SLC44A5: variants seen among roughly 807,000 people sequenced by gnomAD.
SLC44A5 encodes solute carrier family 44 member 5.
In SLC44A5, 57 loss-of-function variants were observed where a neutral mutation model predicts 101.8. The observed-to-expected ratio is 0.56, with a 90% confidence interval of 0.45 to 0.70. The LOEUF (loss-of-function observed/expected upper bound fraction) is 0.70, where lower values mean the gene tolerates loss of function less well. Among genes scored for constraint, SLC44A5 ranks in the 30% least tolerant of loss-of-function variants. The pLI, the probability that SLC44A5 is intolerant of heterozygous loss-of-function variation, is 0.00. For missense variants in SLC44A5, 737 were observed against 853.1 expected, an observed-to-expected ratio of 0.86 and a Z score of 1.70; for synonymous variants, 281 against 290.9, an observed-to-expected ratio of 0.97 and a Z score of 0.35.
At chr1:75,373,908 G>A (rs1308474969) in intron 3 of SLC44A5, among the ~76,000 whole-genome samples, 1 of 152,138 alleles carries the variant, frequency 6.6e-6, no homozygotes, top group Non-Finnish European at 1.5e-5. Context: ...TGAGATCTGT[G>A]GCCTGAGCTC....
At chr1:75,600,117 G>A (rs1674886224) in intron 1 of SLC44A5, among the ~76,000 whole-genome samples, 1 of 152,114 alleles carries the variant, frequency 6.6e-6, no homozygotes, top group Non-Finnish European at 1.5e-5. Flanking sequence ...TCAGATCTGT[G>A]GCAGCAGAGA....
intron 3 of SLC44A5, among the ~76,000 whole-genome samples, chr1:75,358,081 T>C (rs1170167560): frequency 6.6e-6 from 1 of 152,062 alleles, no homozygotes; most frequent in East Asian, 1.9e-4. Context: ...AGATTTTTAC[T>C]ACATTAGCTA....
the SLC44A5 span, among the ~76,000 whole-genome samples, chr1:75,673,400 G>T: frequency 6.6e-6 from 1 of 151,984 alleles, no homozygotes; most frequent in Non-Finnish European, 1.5e-5. Flanking sequence ...CACTGTAGTA[G>T]AATAGACCAC....
the SLC44A5 span, among the ~76,000 whole-genome samples, chr1:75,701,313 C>A: frequency 6.6e-6 from 1 of 152,300 alleles, no homozygotes; most frequent in Non-Finnish European, 1.5e-5. Flanking sequence ...CCACCATGAT[C>A]GAATGGGCTT....
intron 6 of SLC44A5, among the ~76,000 whole-genome samples, chr1:75,262,287 G>A (rs1650586716): frequency 6.6e-6 from 1 of 152,166 alleles, no homozygotes; most frequent in Non-Finnish European, 1.5e-5. Context: ...CTTCAGCAAA[G>A]TCTCAGGATA....
chr1:75,700,968 A>G, the SLC44A5 span, among the ~76,000 whole-genome samples: 2 of 152,192 alleles, frequency 1.3e-5, no homozygotes, highest in Non-Finnish European at 2.9e-5. Flanking sequence ...AAGAAGTTGA[A>G]TCTCTGAATA....
the SLC44A5 span, among the ~76,000 whole-genome samples, chr1:75,707,203 C>G: frequency 6.6e-6 from 1 of 152,110 alleles, no homozygotes; most frequent in Non-Finnish European, 1.5e-5. Context: ...TAGACCCTGG[C>G]TGACAGATGA....
intron 3 of SLC44A5, among the ~76,000 whole-genome samples, chr1:75,351,598 C>T (rs901757697): frequency 3.1e-4 from 47 of 152,086 alleles, no homozygotes; most frequent in African/African-American, 1.1e-3. Context: ...TTCTATTACA[C>T]TGGTATCAGT....
At chr1:75,722,857 A>G in the SLC44A5 span, among the ~76,000 whole-genome samples, 35 of 152,372 alleles carry the variant, frequency 2.3e-4, no homozygotes, top group Admixed American at 1.2e-3. Context: ...AGTTGGCCAC[A>G]CTAACATTCT....
intron 2 of SLC44A5, among the ~76,000 whole-genome samples, chr1:75,402,854 C>T (rs1331953106): frequency 6.6e-6 from 1 of 152,134 alleles, no homozygotes; most frequent in African/African-American, 2.4e-5. Flanking sequence ...GAACCATTTA[C>T]TCCCCTGGAA....
chr1:75,404,378 C>G (rs1012385992), intron 2 of SLC44A5, among the ~76,000 whole-genome samples: 52 of 152,048 alleles, frequency 3.4e-4, no homozygotes, highest in Admixed American at 8.5e-4. Context: ...AGGAGAGCAA[C>G]CCAAAGACAC....
chr1:75,206,301 GA>G (rs1234411402), intron 23 of SLC44A5: 2 of 231,892 alleles, frequency 8.6e-6, no homozygotes, highest in Non-Finnish European at 1.7e-5. Flanking sequence ...CTTATAAAAA[GA>G]AAGGCTATTA....
At chr1:75,279,206 A>G (rs1226458882) in intron 5 of SLC44A5, among the ~76,000 whole-genome samples, 1 of 152,008 alleles carries the variant, frequency 6.6e-6, no homozygotes, top group Non-Finnish European at 1.5e-5. Flanking sequence ...TCCCTCCCTC[A>G]TTCCCTTTCC....
At chr1:75,350,893 C>CA (rs11292382) in intron 3 of SLC44A5, among the ~76,000 whole-genome samples, 7 of 79,856 alleles carry the variant, frequency 8.8e-5, no homozygotes, top group African/African-American at 2.3e-4. Context: ...GACTCCATCT[C>CA]AAAAAAAAAA....
intron 2 of SLC44A5, among the ~76,000 whole-genome samples, chr1:75,412,003 G>A (rs538737664): frequency 5.3e-5 from 8 of 152,202 alleles, no homozygotes; most frequent in South Asian, 2.1e-4. Flanking sequence ...CTCCAAATGA[G>A]TTGAGAATGA....
intron 10 of SLC44A5, 75 bp from the exon 11 acceptor site, chr1:75,237,145 G>A (rs1436688465): frequency 2.3e-6 from 2 of 883,848 alleles, no homozygotes; most frequent in East Asian, 2.6e-5. Flanking sequence ...TATGATAAAA[G>A]GGATTCTGCA....
chr1:75,644,285 C>A, the SLC44A5 span, among the ~76,000 whole-genome samples: 8 of 151,982 alleles, frequency 5.3e-5, no homozygotes, highest in South Asian at 6.2e-4. Flanking sequence ...TGTCATTTAA[C>A]CATATGTGCA....
intron 1 of SLC44A5, among the ~76,000 whole-genome samples, chr1:75,596,565 T>A (rs1674647799): frequency 1.3e-5 from 2 of 151,920 alleles, no homozygotes; most frequent in South Asian, 4.2e-4. Context: ...CAAAATACGG[T>A]CAAACCAGAT....
intron 18 of SLC44A5, among the ~76,000 whole-genome samples, chr1:75,217,299 C>T (rs1217424652): frequency 2.0e-5 from 3 of 151,984 alleles, no homozygotes; most frequent in Non-Finnish European, 4.4e-5. Context: ...TATGCTAGTA[C>T]CACACTCTTT....
Sources: allele counts gnomAD v4.1 joint callset (sites outside exome capture counted in the v4.1 genomes callset), GRCh38; gene constraint gnomAD v4.1.1; transcripts MANE v1.5; gene names NCBI Gene and HGNC (gene_info 2026-07-23, HGNC 2026-07-21).